Variants in KIAA0825 observed in about 807,000 individuals in gnomAD.
KIAA0825 encodes the protein uncharacterized protein KIAA0825.
In KIAA0825, 119 loss-of-function variants were observed where a neutral mutation model predicts 147.6. That is an observed-to-expected ratio of 0.81 (90% CI 0.69 to 0.94). KIAA0825 has a LOEUF of 0.94. Among genes scored for constraint, KIAA0825 ranks in the 40% least tolerant of loss-of-function variants. The pLI is 0.00. For synonymous variants in KIAA0825, 470 were observed against 518.1 expected (o/e 0.91, Z 1.26); for missense variants, 1,381 against 1,472.7 (o/e 0.94, Z 1.02).
chr5:94,431,028 TA>T (rs1294829488), intron 14 of KIAA0825, among the ~76,000 whole-genome samples: 1 of 152,170 alleles, frequency 6.6e-6, no homozygotes, highest in Non-Finnish European at 1.5e-5. Context: ...TCTTTAAATG[TA>T]TGCTTACGTG....
intron 4 of KIAA0825, among the ~76,000 whole-genome samples, chr5:94,523,522 A>T (rs1022494666): frequency 2.6e-5 from 4 of 151,614 alleles, no homozygotes; most frequent in African/African-American, 9.7e-5. Context: ...CACTTAATAG[A>T]CACAATACAT....
intron 1 of KIAA0825, among the ~76,000 whole-genome samples, chr5:94,601,349 T>C (rs542059742): frequency 2.6e-5 from 4 of 152,146 alleles, no homozygotes; most frequent in African/African-American, 9.6e-5. Flanking sequence ...GTGGTCAGAC[T>C]CTTAAAAAAG....
intron 20 of KIAA0825, among the ~76,000 whole-genome samples, chr5:94,299,187 G>A (rs895098097): frequency 1.3e-5 from 2 of 152,006 alleles, no homozygotes; most frequent in African/African-American, 4.8e-5. Flanking sequence ...ATTGGGCACT[G>A]ACTGGATAAC....
chr5:94,165,618 T>G (rs1403526981), intron 20 of KIAA0825, among the ~76,000 whole-genome samples: 1 of 152,136 alleles, frequency 6.6e-6, no homozygotes, highest in African/African-American at 2.4e-5. Flanking sequence ...CAACAATAGA[T>G]AAATGGATAA....
intron 2 of KIAA0825, chr5:94,567,647 C>T (rs1778956831): frequency 6.6e-6 from 1 of 152,254 alleles, no homozygotes; most frequent in South Asian, 2.1e-4. Flanking sequence ...CCCAGCAATC[C>T]TATACAACCG....
chr5:94,535,493 CAAAAAA>C (rs11362220), intron 3 of KIAA0825, among the ~76,000 whole-genome samples: 1 of 32,150 alleles, frequency 3.1e-5, no homozygotes, highest in African/African-American at 9.3e-5. Context: ...CTGGGTGACT[CAAAAAA>C]AAAAAAAAAA....
chr5:94,156,574 T>A (rs555324140), intron 20 of KIAA0825, among the ~76,000 whole-genome samples: 1 of 152,326 alleles, frequency 6.6e-6, no homozygotes, highest in African/African-American at 2.4e-5. Flanking sequence ...AAAATCTGTA[T>A]AATTAATGTA....
intron 20 of KIAA0825, among the ~76,000 whole-genome samples, chr5:94,225,259 G>T (rs1192053837): frequency 1.3e-5 from 2 of 152,088 alleles, no homozygotes; most frequent in African/African-American, 4.8e-5. Flanking sequence ...AAATTTAAGA[G>T]TAAAAAAAGA....
intron 13 of KIAA0825, among the ~76,000 whole-genome samples, chr5:94,447,569 T>C (rs1324271431): frequency 6.6e-6 from 1 of 152,142 alleles, no homozygotes; most frequent in Non-Finnish European, 1.5e-5. Flanking sequence ...TTAAATGTCA[T>C]TGCCTGCCTC....
chr5:94,311,092 T>C (rs933143464), intron 20 of KIAA0825, among the ~76,000 whole-genome samples: 1 of 151,662 alleles, frequency 6.6e-6, no homozygotes, highest in Non-Finnish European at 1.5e-5. Flanking sequence ...GTTTATGCCA[T>C]TGCATTTTTT....
chr5:94,244,411 T>C (rs900988963), intron 20 of KIAA0825, among the ~76,000 whole-genome samples: 10 of 152,174 alleles, frequency 6.6e-5, no homozygotes, highest in Admixed American at 2.0e-4. Context: ...TAGCTCACTG[T>C]AGCCTTGAAC....
intron 20 of KIAA0825, among the ~76,000 whole-genome samples, chr5:94,255,990 A>G (rs1165096456): frequency 4.6e-5 from 7 of 152,034 alleles, no homozygotes; most frequent in Non-Finnish European, 7.4e-5. Flanking sequence ...TTGGGATTAC[A>G]GATGTAAGCC....
chr5:94,557,412 T>C (rs1332324791), intron 2 of KIAA0825, among the ~76,000 whole-genome samples: 2 of 151,950 alleles, frequency 1.3e-5, no homozygotes, highest in African/African-American at 2.4e-5. Context: ...CCTTTCTTTT[T>C]TTTTTTTTTT....
At chr5:94,518,450 T>C (rs879565924) in intron 5 of KIAA0825, among the ~76,000 whole-genome samples, 3 of 152,166 alleles carry the variant, frequency 2.0e-5, no homozygotes, top group Non-Finnish European at 4.4e-5. Context: ...ATTTCTTTTA[T>C]AGGTGACAGA....
At chr5:94,333,057 G>A (rs892031866) in intron 20 of KIAA0825, among the ~76,000 whole-genome samples, 2 of 151,876 alleles carry the variant, frequency 1.3e-5, no homozygotes, top group Non-Finnish European at 2.9e-5. Context: ...TCCTTCACCC[G>A]CTTTTTCATG....
chr5:94,593,495 A>G lies in KIAA0825; in HGVS notation c.-152-10912T>C, dbSNP rs1027376937. The G allele has an allele frequency of 3.1e-5, 20 of 648,756 alleles. No homozygotes were observed. The African/African-American group carries it at 3.4e-4, about 11-fold the overall frequency. 40.2% of individuals were successfully genotyped at this position (648,756 alleles called of 1,614,324 possible). A position where few individuals can be genotyped will look rare whatever the true frequency, so the allele number is the denominator to read the frequency against. ...GTACAGTTTCTTCGAAACTTTAGAT[A>G]TCATTATCAACCACTATTAGAAAGC... On this transcript the variant is annotated intron_variant, in intron 1 of 20. Coordinates refer to ENST00000682413, the MANE Select transcript of KIAA0825 (RefSeq NM_001145678.3).
At chr5:94,567,987 T>C (rs1370639152) in intron 2 of KIAA0825, 3 of 160,044 alleles carry the variant, frequency 1.9e-5, no homozygotes, top group African/African-American at 4.8e-5. Flanking sequence ...ACCACCACCC[T>C]GTTCGCAGCA....
rs144281332 is a variant in KIAA0825, at chr5:94,491,326, T to C, written c.971-6396A>G. ...ATCTTCGCTCCAGTAAAGAAAACTT[T>C]TAAAGAATATTATAATATGAAGTCA... On this transcript the variant is annotated intron_variant, in intron 5 of 20. Coordinates refer to ENST00000682413, the MANE Select transcript of KIAA0825 (RefSeq NM_001145678.3). Among the ~76,000 whole-genome samples, 12 of 152,196 alleles carry C rather than the reference T, an allele frequency of 7.9e-5. No homozygotes were observed. The East Asian group carries it at 2.1e-3, about 27-fold the overall frequency.
At chr5:94,596,422 C>A (rs1220371113) in intron 1 of KIAA0825, among the ~76,000 whole-genome samples, 1 of 152,064 alleles carries the variant, frequency 6.6e-6, no homozygotes, top group Non-Finnish European at 1.5e-5. Context: ...GGCTCTCTAT[C>A]CTTCTCCATT....
Sources: gnomAD v4.1 joint callset for allele counts (sites outside exome capture counted in the v4.1 genomes callset) on GRCh38, gnomAD v4.1.1 for gene constraint, MANE v1.5 for transcripts, NCBI Gene and HGNC (gene_info 2026-07-23, HGNC 2026-07-21) for gene names.